The following CFAP210 variants were observed in gnomAD, a reference collection of about 807,000 sequenced individuals.
CFAP210 encodes cilia and flagella associated protein 210.
the CFAP210 span, among the ~76,000 whole-genome samples, chr2:169,692,444 GCACACACACACACA>G: frequency 4.5e-4 from 65 of 143,668 alleles, no homozygotes; most frequent in African/African-American, 1.6e-3. Flanking sequence ...ACAGGCGCAC[GCACACACACACACA>G]CACACACACA....
At chr2:169,684,538 T>C in the CFAP210 span, among the ~76,000 whole-genome samples, 3 of 152,254 alleles carry the variant, frequency 2.0e-5, no homozygotes, top group African/African-American at 7.2e-5. Flanking sequence ...AGACATTTCA[T>C]GTGCATGGAA....
chr2:169,646,722 C>T, the CFAP210 span, among the ~76,000 whole-genome samples: 1 of 152,152 alleles, frequency 6.6e-6, no homozygotes, highest in Non-Finnish European at 1.5e-5. Context: ...GTTGAGAAGG[C>T]ACTGAGTGGA....
chr2:169,654,164 TTGC>T, the CFAP210 span: 2 of 1,597,836 alleles, frequency 1.3e-6, no homozygotes, highest in Non-Finnish European at 1.7e-6. Flanking sequence ...CTTCTTCCTC[TTGC>T]TGCTGCTGTT....
the CFAP210 span, chr2:169,650,290 CTG>C: frequency 1.3e-6 from 2 of 1,504,082 alleles, no homozygotes; most frequent in South Asian, 1.4e-5. Context: ...GGTCCTAACT[CTG>C]TCTTTCTATT....
chr2:169,661,299 T>C, the CFAP210 span: 7 of 517,906 alleles, frequency 1.4e-5, no homozygotes, highest in Non-Finnish European at 2.3e-5. Context: ...CTTTTAATAC[T>C]ACATTCACCT....
chr2:169,675,994 A>C, the CFAP210 span, among the ~76,000 whole-genome samples: 1 of 152,170 alleles, frequency 6.6e-6, no homozygotes, highest in African/African-American at 2.4e-5. Flanking sequence ...TTATGTTAAA[A>C]GTTTTAGTGT....
chr2:169,656,964 CAAA>C, the CFAP210 span, among the ~76,000 whole-genome samples: 2 of 40,330 alleles, frequency 5.0e-5, no homozygotes, highest in South Asian at 1.4e-3. Flanking sequence ...GACTCCATCT[CAAA>C]AAAAAAAAAA....
chr2:169,656,821 G>A, the CFAP210 span, among the ~76,000 whole-genome samples: 1 of 151,836 alleles, frequency 6.6e-6, no homozygotes, highest in African/African-American at 2.4e-5. Flanking sequence ...AAAATTAGTG[G>A]GGTATGGCGG....
At chr2:169,655,792 TAAC>T in the CFAP210 span, among the ~76,000 whole-genome samples, 2 of 152,064 alleles carry the variant, frequency 1.3e-5, no homozygotes, top group Admixed American at 6.5e-5. Flanking sequence ...ATGAAAACAA[TAAC>T]AACATTTCAA....
chr2:169,688,555 T>C, the CFAP210 span, among the ~76,000 whole-genome samples: 2 of 152,214 alleles, frequency 1.3e-5, no homozygotes, highest in African/African-American at 4.8e-5. Context: ...TTCTGCGAGG[T>C]ACCCTAAATC....
chr2:169,681,013 T>G, the CFAP210 span: 1 of 1,610,064 alleles, frequency 6.2e-7, no homozygotes, highest in South Asian at 1.1e-5. Flanking sequence ...TTACTGCATA[T>G]GTATTAGTCC....
At chr2:169,691,898 A>G in the CFAP210 span, among the ~76,000 whole-genome samples, 1 of 152,218 alleles carries the variant, frequency 6.6e-6, no homozygotes, top group African/African-American at 2.4e-5. Context: ...GTCAGCTAAT[A>G]ACTAGACAGA....
At chr2:169,654,111 A>G in the CFAP210 span, 4 of 1,610,072 alleles carry the variant, frequency 2.5e-6, no homozygotes, top group Non-Finnish European at 3.4e-6. Context: ...CCCCATTTGT[A>G]TAAGACGCTT....
the CFAP210 span, among the ~76,000 whole-genome samples, chr2:169,652,992 T>A: frequency 2.6e-3 from 139 of 54,050 alleles, no homozygotes; most frequent in African/African-American, 9.7e-3. Flanking sequence ...AGAGCAAGAC[T>A]CCGTCTCAAA....
the CFAP210 span, among the ~76,000 whole-genome samples, chr2:169,674,296 AT>A: frequency 6.6e-6 from 1 of 152,212 alleles, no homozygotes; most frequent in Non-Finnish European, 1.5e-5. Context: ...TGCCCAGCTG[AT>A]TCCAGCCTAG....
At chr2:169,663,927 G>T in the CFAP210 span, among the ~76,000 whole-genome samples, 1 of 151,400 alleles carries the variant, frequency 6.6e-6, no homozygotes, top group Non-Finnish European at 1.5e-5. Flanking sequence ...AGTGGCTCAC[G>T]CCTGTAATCC....
chr2:169,651,271 T>C, the CFAP210 span, among the ~76,000 whole-genome samples: 1 of 150,318 alleles, frequency 6.7e-6, no homozygotes, highest in Non-Finnish European at 1.5e-5. Context: ...GGCACGGACC[T>C]GTAGTCCCAG....
chr2:169,645,896 T>C, the CFAP210 span: 123 of 1,613,598 alleles, frequency 7.6e-5, no homozygotes, highest in Non-Finnish European at 9.6e-5. Context: ...TTTTGGTCCC[T>C]GAGAGTTATA....
chr2:169,653,029 A>AAAAAAATAT, the CFAP210 span, among the ~76,000 whole-genome samples: 1 of 39,954 alleles, frequency 2.5e-5, no homozygotes, highest in Admixed American at 5.3e-4. Flanking sequence ...AAAAAAAAAA[A>AAAAAAATAT]ATATATATAT....
Sources: gnomAD v4.1 joint callset for allele counts (sites outside exome capture counted in the v4.1 genomes callset) on GRCh38, gnomAD v4.1.1 for gene constraint, MANE v1.5 for transcripts, NCBI Gene and HGNC (gene_info 2026-07-23, HGNC 2026-07-21) for gene names.